The following SPATA17 variants were observed in gnomAD, a reference collection of about 807,000 sequenced individuals.
The protein encoded by SPATA17 is spermatogenesis-associated protein 17.
Under a neutral mutation model 62.2 loss-of-function variants are expected in SPATA17, and 53 were observed. That is an observed-to-expected ratio of 0.85 (90% CI 0.68 to 1.07). The LOEUF is 1.07. SPATA17 is among the 50% of genes least tolerant of loss of function. The pLI, the probability that SPATA17 is intolerant of heterozygous loss-of-function variation, is 0.00. For synonymous variants in SPATA17, 146 were observed against 146.8 expected (o/e 0.99, Z 0.04); for missense variants, 466 against 425.5 (o/e 1.10, Z -0.84).
rs1671444051 is a variant in SPATA17 at position 217,695,876 on chromosome 1, A to G, written c.395+12515A>G. 3.2e-5 allele frequency among the ~76,000 whole-genome samples: 4 copies of G among 125,862 alleles called. No individual in the cohort carries two copies. The Admixed American group carries it at 3.2e-4, about 10-fold the overall frequency. 82.6% of individuals were successfully genotyped at this position (125,862 alleles called of 152,430 possible). A position where few individuals can be genotyped will look rare whatever the true frequency, so the allele number is the denominator to read the frequency against. On this transcript the variant is annotated intron_variant, in intron 5 of 10. Coordinates refer to ENST00000366933, the MANE Select transcript of SPATA17 (RefSeq NM_138796.4). ...CTCAGATCTCCAGCTGCCTGCTGGGAGAACCACTGCTCTCTTCAAAGCTGT... is the reference window on the plus strand; with the variant it reads ...CTCAGATCTCCAGCTGCCTGCTGGGGGAACCACTGCTCTCTTCAAAGCTGT...
At chr1:217,748,598 A>G (rs1295164286) in intron 6 of SPATA17, among the ~76,000 whole-genome samples, 2 of 151,632 alleles carry the variant, frequency 1.3e-5, no homozygotes, top group Non-Finnish European at 2.9e-5. Context: ...TAAAAAAATT[A>G]GTTGGATGTG....
intron 9 of SPATA17, among the ~76,000 whole-genome samples, chr1:217,823,818 T>G (rs1331881023): frequency 1.3e-5 from 2 of 152,020 alleles, no homozygotes; most frequent in East Asian, 3.9e-4. Flanking sequence ...TATTTTTTGA[T>G]GGTCATATCA....
intron 9 of SPATA17, among the ~76,000 whole-genome samples, chr1:217,842,485 A>G (rs1281543423): frequency 1.3e-5 from 2 of 151,972 alleles, no homozygotes; most frequent in Non-Finnish European, 2.9e-5. Flanking sequence ...ATAAAGGACA[A>G]TTCAGATTTC....
chr1:217,712,031 C>G (rs1422922420), intron 5 of SPATA17, among the ~76,000 whole-genome samples: 3 of 151,356 alleles, frequency 2.0e-5, no homozygotes, highest in African/African-American at 7.3e-5. Context: ...TCCTTTTTCT[C>G]TGAAGTTTTT....
At chr1:217,728,746 T>C (rs956232127) in intron 5 of SPATA17, among the ~76,000 whole-genome samples, 6 of 152,222 alleles carry the variant, frequency 3.9e-5, no homozygotes, top group Non-Finnish European at 7.4e-5. Context: ...CTAAGTGGGC[T>C]GTCATGTTAT....
intron 8 of SPATA17, among the ~76,000 whole-genome samples, chr1:217,783,500 CT>C (rs1243485582): frequency 1.3e-5 from 2 of 151,902 alleles, no homozygotes; most frequent in Non-Finnish European, 2.9e-5. Flanking sequence ...AAATAAGGAA[CT>C]TTTTTTCCAA....
intron 1 of SPATA17, among the ~76,000 whole-genome samples, chr1:217,638,134 C>A (rs1220068720): frequency 6.6e-6 from 1 of 151,834 alleles, no homozygotes; most frequent in East Asian, 1.9e-4. Flanking sequence ...TTTGGCTATT[C>A]CTAAATATTT....
At chr1:217,776,825 A>G (rs1673606608) in intron 7 of SPATA17, among the ~76,000 whole-genome samples, 1 of 151,950 alleles carries the variant, frequency 6.6e-6, no homozygotes, top group Non-Finnish European at 1.5e-5. Context: ...GCCCCTCCTC[A>G]CATTGGCATC....
At chr1:217,866,903 G>A (rs1676026436) in intron 10 of SPATA17, 119 bp from the exon 11 acceptor site, 1 of 148,046 alleles carries the variant, frequency 6.8e-6, no homozygotes, top group Admixed American at 6.8e-5. Context: ...ATGTAAAACT[G>A]AGATTAAGGT....
chr1:217,732,716 T>C (rs1672427444), intron 5 of SPATA17, among the ~76,000 whole-genome samples: 1 of 152,188 alleles, frequency 6.6e-6, no homozygotes, highest in African/African-American at 2.4e-5. Flanking sequence ...ACCTTGTTAA[T>C]AATATCTGCC....
intron 4 of SPATA17, among the ~76,000 whole-genome samples, chr1:217,676,691 G>A (rs1258091815): frequency 6.6e-6 from 1 of 152,070 alleles, no homozygotes; most frequent in Admixed American, 6.6e-5. Context: ...TACATCTTGA[G>A]TCTTCCTTTG....
intron 9 of SPATA17, among the ~76,000 whole-genome samples, chr1:217,824,659 T>G (rs1452626452): frequency 6.6e-6 from 1 of 150,820 alleles, no homozygotes; most frequent in Non-Finnish European, 1.5e-5. Context: ...ATTCATGTAC[T>G]TTATACAAAT....
rs1674317126 is a variant in SPATA17 at position 217,801,707 on chromosome 1, A to G, written c.873-11A>G. Reference sequence around the variant, plus strand: ...ATCAAGTTAAGAATAGCTCTTAAATATTTCTTTCAGGTTTTTGCCATTTTC... The same window carrying G: ...ATCAAGTTAAGAATAGCTCTTAAATGTTTCTTTCAGGTTTTTGCCATTTTC... On this transcript the variant is annotated splice_polypyrimidine_tract_variant and intron_variant, in intron 8 of 10. Coordinates refer to ENST00000366933, the MANE Select transcript of SPATA17 (RefSeq NM_138796.4). 1.3e-6 allele frequency: 2 copies of G among 1,586,196 alleles called. No homozygotes were observed. The highest frequency in any genetic ancestry group is 1.4e-5 in the African/African-American group (1 of 73,140).
At chr1:217,729,458 G>C (rs12145166) in intron 5 of SPATA17, among the ~76,000 whole-genome samples, 31,025 of 152,074 alleles carry the variant, frequency 0.2, 3,314 homozygotes, top group Middle Eastern at 0.26. Context: ...TAGCATTTTA[G>C]CTTTATCTAA....
intron 5 of SPATA17, among the ~76,000 whole-genome samples, chr1:217,709,452 G>A (rs1671808924): frequency 1.3e-5 from 2 of 151,812 alleles, no homozygotes; most frequent in African/African-American, 4.8e-5. Context: ...GTGTCCCTCA[G>A]ATTGTTGCCA....
At chr1:217,703,234 G>A (rs1214036111) in intron 5 of SPATA17, among the ~76,000 whole-genome samples, 3 of 146,704 alleles carry the variant, frequency 2.0e-5, no homozygotes, top group Admixed American at 1.4e-4. Context: ...ACAGTGGTGC[G>A]ATCTCAGCTC....
At chr1:217,689,974 G>A (rs547192466) in intron 5 of SPATA17, among the ~76,000 whole-genome samples, 5 of 150,806 alleles carry the variant, frequency 3.3e-5, no homozygotes, top group South Asian at 4.2e-4. Context: ...CACAATCTCC[G>A]CTCACTGCAA....
chr1:217,782,703 C>A (rs1010711231), intron 8 of SPATA17, among the ~76,000 whole-genome samples: 1 of 152,062 alleles, frequency 6.6e-6, no homozygotes, highest in Non-Finnish European at 1.5e-5. Context: ...TCATTTTGAT[C>A]TATTGACATA....
chr1:217,774,404 A>T lies in SPATA17; in HGVS notation c.590A>T (p.Lys197Met), dbSNP rs764891290. 1.9e-6 allele frequency: 3 copies of T among 1,613,876 alleles called. No homozygotes were observed. The highest frequency in any genetic ancestry group is 2.2e-5 in the South Asian group (2 of 91,080). ...DPWELQLQKA[K>M]PLTHRRPKVK... is the part of the protein sequence containing the mutation. Reference sequence around the variant, plus strand: ...TGGGAGCTGCAATTACAGAAGGCAAAGCCTTTAACACACCGAAGACCTAAA... The same window carrying T: ...TGGGAGCTGCAATTACAGAAGGCAATGCCTTTAACACACCGAAGACCTAAA... Residue 197 changes from lysine to methionine, a missense_variant, in exon 7 of 11, where the codon AAG becomes ATG. By Grantham distance (95) the Lys-to-Met change is moderately conservative. Transcript: ENST00000366933.
Sources: allele counts gnomAD v4.1 joint callset (sites outside exome capture counted in the v4.1 genomes callset), GRCh38; gene constraint gnomAD v4.1.1; transcripts MANE v1.5; gene names NCBI Gene and HGNC (gene_info 2026-07-23, HGNC 2026-07-21).